The following ZNF385D variants were observed in gnomAD, a reference collection of about 807,000 sequenced individuals.
ZNF385D encodes zinc finger protein 385D, also known as zinc finger protein 659.
A neutral mutation model predicts 35.8 loss-of-function variants in ZNF385D; 15 were observed. That is an observed-to-expected ratio of 0.42 (90% CI 0.28 to 0.64). The LOEUF is 0.64. ZNF385D is among the 30% of genes least tolerant of loss of function. The pLI is 0.23. For synonymous variants in ZNF385D, 212 were observed against 186.8 expected, an observed-to-expected ratio of 1.13 and a Z score of -1.10; for missense variants, 474 against 494.6, an observed-to-expected ratio of 0.96 and a Z score of 0.39.
chr3:21,792,644 G>A (rs2071977725), intron 3 of ZNF385D, among the ~76,000 whole-genome samples: 1 of 152,016 alleles, frequency 6.6e-6, no homozygotes, highest in African/African-American at 2.4e-5. Context: ...AGATGTCCAG[G>A]GGGCCATGCA....
intron 1 of ZNF385D, among the ~76,000 whole-genome samples, chr3:21,727,997 G>A (rs2068838162): frequency 6.6e-6 from 1 of 152,104 alleles, no homozygotes; most frequent in Admixed American, 6.5e-5. Context: ...GGACATGGAT[G>A]AAGCTGGAAA....
chr3:22,019,706 A>C (rs1697111140), intron 3 of ZNF385D, among the ~76,000 whole-genome samples: 2 of 152,024 alleles, frequency 1.3e-5, no homozygotes, highest in Admixed American at 1.3e-4. Context: ...CATTTTGGAG[A>C]CTCTACATTT....
At chr3:21,592,769 TTTC>T (rs1306913701) in intron 2 of ZNF385D, among the ~76,000 whole-genome samples, 1 of 152,188 alleles carries the variant, frequency 6.6e-6, no homozygotes, top group Non-Finnish European at 1.5e-5. Context: ...CCTATTCCAT[TTTC>T]TTCTAAGTAG....
intron 2 of ZNF385D, among the ~76,000 whole-genome samples, chr3:21,577,347 C>T (rs1425966875): frequency 6.6e-6 from 1 of 152,162 alleles, no homozygotes; most frequent in Non-Finnish European, 1.5e-5. Context: ...TGTCATTCTT[C>T]TTTATGGCTG....
chr3:21,644,070 G>A (rs982560801), intron 2 of ZNF385D, among the ~76,000 whole-genome samples: 3 of 152,102 alleles, frequency 2.0e-5, no homozygotes, highest in African/African-American at 7.2e-5. Flanking sequence ...ATTGAATGTT[G>A]TCAATGAGTT....
intron 3 of ZNF385D, among the ~76,000 whole-genome samples, chr3:22,009,305 T>A (rs1480059273): frequency 6.6e-6 from 1 of 152,050 alleles, no homozygotes; most frequent in African/African-American, 2.4e-5. Flanking sequence ...TACTATGGAA[T>A]ATTATATATT....
At chr3:21,470,934 TAGTAGACTAA>T (rs1450993386) in intron 4 of ZNF385D, among the ~76,000 whole-genome samples, 1 of 152,148 alleles carries the variant, frequency 6.6e-6, no homozygotes, top group Non-Finnish European at 1.5e-5. Context: ...TAGAGTCTGA[TAGTAGACTAA>T]AGTAGTGGGG....
At chr3:21,983,671 T>C (rs1235476387) in intron 3 of ZNF385D, among the ~76,000 whole-genome samples, 2 of 72,072 alleles carry the variant, frequency 2.8e-5, no homozygotes, top group African/African-American at 5.4e-5. Context: ...GTCATTTGGG[T>C]ATATACCCAG....
At chr3:21,631,853 C>T (rs550212562) in intron 2 of ZNF385D, among the ~76,000 whole-genome samples, 1 of 152,210 alleles carries the variant, frequency 6.6e-6, no homozygotes, top group African/African-American at 2.4e-5. Flanking sequence ...GCAATCTCGT[C>T]ATGTTTTTAG....
chr3:21,906,323 C>T (rs985280377), intron 3 of ZNF385D, among the ~76,000 whole-genome samples: 8 of 152,120 alleles, frequency 5.3e-5, no homozygotes, highest in Non-Finnish European at 1.2e-4. Flanking sequence ...CATAGAAAGA[C>T]GCACAATAAT....
At chr3:21,965,631 G>A (rs767812315) in intron 3 of ZNF385D, among the ~76,000 whole-genome samples, 1 of 152,074 alleles carries the variant, frequency 6.6e-6, no homozygotes, top group Non-Finnish European at 1.5e-5. Flanking sequence ...TCTGGACATG[G>A]GAGAAATAAC....
At chr3:21,685,037 G>C (rs1428996129) in intron 1 of ZNF385D, among the ~76,000 whole-genome samples, 3 of 152,056 alleles carry the variant, frequency 2.0e-5, no homozygotes, top group African/African-American at 7.3e-5. Context: ...GAATCCAGTG[G>C]GTATTGGCAA....
chr3:21,805,321 G>T (rs1308277732), intron 3 of ZNF385D, among the ~76,000 whole-genome samples: 1 of 152,124 alleles, frequency 6.6e-6, no homozygotes, highest in Non-Finnish European at 1.5e-5. Context: ...GTTTAGTGTG[G>T]AAATAGGTTG....
intron 3 of ZNF385D, among the ~76,000 whole-genome samples, chr3:22,044,120 C>G (rs1026419319): frequency 8.7e-5 from 13 of 149,716 alleles, no homozygotes; most frequent in Non-Finnish European, 1.3e-4. Flanking sequence ...ATGTAATGGC[C>G]TCAGGATTTG....
intron 1 of ZNF385D, among the ~76,000 whole-genome samples, chr3:21,711,666 T>G (rs768039299): frequency 6.6e-5 from 10 of 152,180 alleles, no homozygotes; most frequent in Admixed American, 4.6e-4. Context: ...AATTTTAAAA[T>G]GCATCCAAGT....
At chr3:21,825,956 A>T (rs1046729766) in intron 3 of ZNF385D, among the ~76,000 whole-genome samples, 3 of 152,170 alleles carry the variant, frequency 2.0e-5, no homozygotes, top group Non-Finnish European at 2.9e-5. Flanking sequence ...TGAACTGTGC[A>T]TGCGAGGGAT....
chr3:21,867,915 T>A (rs1697460732), intron 3 of ZNF385D, among the ~76,000 whole-genome samples: 1 of 152,122 alleles, frequency 6.6e-6, no homozygotes, highest in African/African-American at 2.4e-5. Context: ...ATATTTTGTT[T>A]ACTTCTAATT....
At chr3:22,253,607 A>G (rs1230914464) in intron 2 of ZNF385D, among the ~76,000 whole-genome samples, 1 of 151,982 alleles carries the variant, frequency 6.6e-6, no homozygotes, top group Non-Finnish European at 1.5e-5. Context: ...CAAGATTCCA[A>G]ATCCCTGGCA....
intron 3 of ZNF385D, among the ~76,000 whole-genome samples, chr3:22,031,620 C>G (rs1003349771): frequency 6.6e-6 from 1 of 152,160 alleles, no homozygotes; most frequent in African/African-American, 2.4e-5. Context: ...TTTTTTCCCT[C>G]CTATGATGGG....
Sources: gnomAD v4.1 joint callset for allele counts (sites outside exome capture counted in the v4.1 genomes callset) on GRCh38, gnomAD v4.1.1 for gene constraint, MANE v1.5 for transcripts, NCBI Gene and HGNC (gene_info 2026-07-23, HGNC 2026-07-21) for gene names.